The following SLC13A3 variants were observed in gnomAD, a reference collection of about 807,000 sequenced individuals.
The protein encoded by SLC13A3 is Na(+)/dicarboxylate cotransporter 3.
In SLC13A3, 40 loss-of-function variants were observed where a neutral mutation model predicts 59.0. The ratio of observed to expected loss-of-function variants is 0.68; its 90% CI spans 0.53 to 0.88. The LOEUF is 0.88. Among genes scored for constraint, SLC13A3 ranks in the 40% least tolerant of loss-of-function variants. The probability of loss-of-function intolerance (pLI) is 0.00; values close to 1 mark genes in which losing one functional copy is unlikely to be tolerated. For synonymous variants in SLC13A3, 317 were observed against 330.3 expected, an observed-to-expected ratio of 0.96 and a Z score of 0.44; for missense variants, 699 against 783.2, an observed-to-expected ratio of 0.89 and a Z score of 1.28.
chr20:46,602,583 C>T (rs1311607974), intron 3 of SLC13A3, among the ~76,000 whole-genome samples: 1 of 152,032 alleles, frequency 6.6e-6, no homozygotes, highest in African/African-American at 2.4e-5. Flanking sequence ...GTCAGTAGTT[C>T]CCAGCGAGGG....
At chr20:46,625,048 G>A (rs1372216739) in intron 1 of SLC13A3, among the ~76,000 whole-genome samples, 3 of 152,302 alleles carry the variant, frequency 2.0e-5, no homozygotes, top group African/African-American at 7.2e-5. Context: ...GAAGCTGAGG[G>A]GCAGGAGTCA....
At chr20:46,581,358 T>G (rs2062135788) in intron 9 of SLC13A3, among the ~76,000 whole-genome samples, 1 of 152,098 alleles carries the variant, frequency 6.6e-6, no homozygotes, top group South Asian at 2.1e-4. Context: ...GAAGTAGCCT[T>G]GTGGAAGGAG....
At chr20:46,632,886 T>C (rs1192467048) in intron 1 of SLC13A3, among the ~76,000 whole-genome samples, 3 of 14,436 alleles carry the variant, frequency 2.1e-4, no homozygotes, top group Non-Finnish European at 2.7e-4. Flanking sequence ...GATAGATAGA[T>C]AGATAGATAG....
chr20:46,651,143 C>G (rs1479636121), intron 1 of SLC13A3, among the ~76,000 whole-genome samples, 168 bp downstream of exon 1: 4 of 152,092 alleles, frequency 2.6e-5, no homozygotes, highest in African/African-American at 9.7e-5. Flanking sequence ...AGGGAAGAGG[C>G]GTTAGGAGCG....
chr20:46,657,172 G>A (rs1466658282), intron 1 of SLC13A3, among the ~76,000 whole-genome samples: 6 of 151,964 alleles, frequency 3.9e-5, no homozygotes, highest in East Asian at 1.9e-4. Flanking sequence ...ATCATGATCC[G>A]GGACATCATC....
In SLC13A3 at chr20:46,566,221, A is replaced by G. The variant is rs1225402730; in HGVS notation, c.1494+8T>C. 7.4e-6 allele frequency: 12 copies of G among 1,612,040 alleles called. No individual in the cohort carries two copies. Among genetic ancestry groups the G allele is most frequent in the Non-Finnish European group, 1.0e-5 (12 of 1,178,574 alleles). ...GGGTGCTCCCCTCTTCCCCAGAAGGACCCTCACCAGCTCTGCCAGGACCGG... is the reference window on the plus strand; with the variant it reads ...GGGTGCTCCCCTCTTCCCCAGAAGGGCCCTCACCAGCTCTGCCAGGACCGG... On this transcript the variant is annotated splice_region_variant and intron_variant, in intron 11 of 12. Transcript: ENST00000279027.
upstream of SLC13A3, among the ~76,000 whole-genome samples, chr20:46,655,155 AT>A (rs1233736752): frequency 6.6e-6 from 1 of 151,142 alleles, no homozygotes; most frequent in Non-Finnish European, 1.5e-5. Context: ...CTTGGTGTGG[AT>A]TTCCTTGGTT....
chr20:46,600,787 C>A (rs2062372689), intron 3 of SLC13A3, among the ~76,000 whole-genome samples: 1 of 152,172 alleles, frequency 6.6e-6, no homozygotes, highest in Non-Finnish European at 1.5e-5. Context: ...GGAGGTCATA[C>A]TCTAGAAGGG....
rs1326827634 is a variant in SLC13A3, at chr20:46,609,169, A to G, written c.541+1277T>C. 7 of 1,421,620 alleles carry G rather than the reference A, an allele frequency of 4.9e-6. No homozygotes were observed. In the East Asian group the frequency reaches 1.8e-4, roughly 36 times the overall value. 88.1% of individuals were successfully genotyped at this position (1,421,620 alleles called of 1,614,324 possible). On this transcript the variant is annotated intron_variant, in intron 3 of 12. Coordinates refer to ENST00000279027, the MANE Select transcript of SLC13A3 (RefSeq NM_022829.6). ...TACAGTTATGTAAATTAAAAGTAAG[A>G]CATTTTAAAGTGACATGATGTGGCA...
intron 8 of SLC13A3, chr20:46,585,617 G>A: frequency 8.0e-7 from 1 of 1,255,304 alleles, no homozygotes; most frequent in Non-Finnish European, 1.0e-6. Flanking sequence ...TGATCACAAT[G>A]TAGAACAGTT....
At chr20:46,681,552 C>T (rs2063153821) in intron 1 of SLC13A3, 1 of 152,176 alleles carries the variant, frequency 6.6e-6, no homozygotes. Context: ...CAGAAAAGTG[C>T]ACAGTCCATT....
upstream of SLC13A3, among the ~76,000 whole-genome samples, chr20:46,654,521 A>G: frequency 6.6e-6 from 1 of 152,092 alleles, no homozygotes; most frequent in East Asian, 1.9e-4. Flanking sequence ...TCCTTCAGCT[A>G]TCAGGTATAA....
Position 46,563,554 on chromosome 20 carries a change from G to A in SLC13A3, c.1495-3C>T, listed in dbSNP as rs1472301189. 1 of 1,613,122 alleles carries A rather than the reference G, an allele frequency of 6.2e-7. No individual in the cohort carries two copies. ...GGGTGCACTCTCAGGCGGATGGCCT[G>A]GGCCAGGAAAAGGTGGGAGAGACCC... On this transcript the variant is annotated splice_polypyrimidine_tract_variant and splice_region_variant and intron_variant, in intron 11 of 12. Transcript: ENST00000279027.
chr20:46,660,702 T>C (rs1340612003), intron 1 of SLC13A3, among the ~76,000 whole-genome samples: 2 of 152,208 alleles, frequency 1.3e-5, no homozygotes, highest in Admixed American at 6.5e-5. Flanking sequence ...ATATTTCCCG[T>C]CATTATCTCT....
At chr20:46,582,687 C>T in intron 9 of SLC13A3, 1 of 985,268 alleles carries the variant, frequency 1.0e-6, no homozygotes, top group South Asian at 4.7e-5. Flanking sequence ...CACTATACTC[C>T]CCACACTCAA....
intron 3 of SLC13A3, 114 bp from the exon 4 acceptor site, chr20:46,600,151 C>T (rs2062357919): frequency 2.4e-6 from 1 of 411,884 alleles, no homozygotes; most frequent in African/African-American, 2.2e-5. Flanking sequence ...CTATACTACT[C>T]ACTGAATCAA....
At chr20:46,608,484 G>A (rs541747529) in intron 3 of SLC13A3, among the ~76,000 whole-genome samples, 11 of 152,178 alleles carry the variant, frequency 7.2e-5, no homozygotes, top group South Asian at 2.1e-4. Context: ...TCACTTCCTC[G>A]TGGAAGACTC....
chr20:46,593,358 C>A (rs749618777), intron 5 of SLC13A3, among the ~76,000 whole-genome samples: 32 of 152,014 alleles, frequency 2.1e-4, no homozygotes, highest in Non-Finnish European at 2.9e-5. Context: ...AATATAAGTG[C>A]TAGATTGAAA....
chr20:46,584,217 C>A, intron 8 of SLC13A3: 20 of 985,390 alleles, frequency 2.0e-5, no homozygotes, highest in Non-Finnish European at 2.4e-5. Flanking sequence ...TCGGGGCAGG[C>A]ACTTTCCATT....
Sources: allele counts gnomAD v4.1 joint callset (sites outside exome capture counted in the v4.1 genomes callset), GRCh38; gene constraint gnomAD v4.1.1; transcripts MANE v1.5; gene names NCBI Gene and HGNC (gene_info 2026-07-23, HGNC 2026-07-21).